Variants in GPHN observed in about 807,000 individuals in gnomAD.
GPHN encodes the protein gephyrin.
In GPHN, 17 loss-of-function variants were observed where a neutral mutation model predicts 95.5. The observed-to-expected ratio is 0.18, with a 90% CI of 0.12 to 0.27. The LOEUF (loss-of-function observed/expected upper bound fraction) is 0.27, where lower values mean the gene tolerates loss of function less well. Among genes scored for constraint, GPHN ranks in the 10% least tolerant of loss-of-function variants. GPHN has a pLI of 1.00. For missense variants in GPHN, 660 were observed against 978.1 expected (o/e 0.67, Z 4.34); for synonymous variants, 320 against 322.5 (o/e 0.99, Z 0.08).
At chr14:67,047,556 G>T (rs1474558314) in intron 10 of GPHN, among the ~76,000 whole-genome samples, 2 of 151,852 alleles carry the variant, frequency 1.3e-5, no homozygotes, top group African/African-American at 4.8e-5. Context: ...AACAGTAATG[G>T]GGTTTCACCA....
At chr14:66,586,099 G>A (rs928337979) in intron 1 of GPHN, among the ~76,000 whole-genome samples, 8 of 151,956 alleles carry the variant, frequency 5.3e-5, no homozygotes, top group Admixed American at 4.6e-4. Context: ...TATATTTAGG[G>A]TAGTTAGCTC....
At chr14:67,579,231 G>A in the GPHN span, 2 of 1,611,060 alleles carry the variant, frequency 1.2e-6, no homozygotes, top group South Asian at 1.1e-5. Context: ...CATGGAAGTG[G>A]TGTCCATCCT....
At chr14:67,456,843 G>C in the GPHN span, among the ~76,000 whole-genome samples, 1 of 152,138 alleles carries the variant, frequency 6.6e-6, no homozygotes, top group East Asian at 1.9e-4. Context: ...GTTCATTACA[G>C]CACTATTCAC....
At chr14:67,419,773 T>C in the GPHN span, among the ~76,000 whole-genome samples, 3 of 150,060 alleles carry the variant, frequency 2.0e-5, no homozygotes, top group Admixed American at 6.7e-5. Context: ...GGCGTGAACC[T>C]GGGAGGCGGA....
At chr14:67,383,469 G>A in the GPHN span, 4,247 of 1,610,368 alleles carry the variant, frequency 2.6e-3, 5 homozygotes, top group Non-Finnish European at 3.4e-3. Context: ...CCAATTTAAG[G>A]AACACAGAGC....
chr14:66,990,886 A>G (rs2071370715), intron 9 of GPHN, among the ~76,000 whole-genome samples: 2 of 151,810 alleles, frequency 1.3e-5, no homozygotes, highest in South Asian at 4.1e-4. Context: ...AAAATTAAAT[A>G]TTTAATATAG....
At chr14:67,581,091 C>G in the GPHN span, 1 of 1,134,784 alleles carries the variant, frequency 8.8e-7, no homozygotes, top group Non-Finnish European at 1.3e-6. Flanking sequence ...CCACTGGGTG[C>G]CAGCTCATCG....
intron 17 of GPHN, among the ~76,000 whole-genome samples, chr14:67,132,481 T>C (rs2079781320): frequency 6.6e-6 from 1 of 152,198 alleles, no homozygotes; most frequent in Non-Finnish European, 1.5e-5. Flanking sequence ...TTTTTTTCTT[T>C]TACTCCTAGC....
the GPHN span, among the ~76,000 whole-genome samples, chr14:67,303,324 T>C: frequency 4.6e-5 from 7 of 152,236 alleles, no homozygotes; most frequent in African/African-American, 9.6e-5. Context: ...ACTGATTCTG[T>C]TGTAAAATCT....
chr14:67,199,824 C>T, the GPHN span: 3 of 1,502,772 alleles, frequency 2.0e-6, no homozygotes, highest in Admixed American at 2.1e-5. Flanking sequence ...GCCCTCCCAC[C>T]TGGGATACCC....
the GPHN span, chr14:67,600,405 A>G: frequency 9.3e-6 from 5 of 536,892 alleles, no homozygotes; most frequent in African/African-American, 4.1e-5. Flanking sequence ...CTGTCTTCGA[A>G]AAAACCTCGT....
chr14:67,358,506 A>T, the GPHN span, among the ~76,000 whole-genome samples: 1 of 152,124 alleles, frequency 6.6e-6, no homozygotes, highest in African/African-American at 2.4e-5. Flanking sequence ...TCTAAATGTC[A>T]GGGTCAAAAC....
At chr14:66,889,907 A>G (rs1274704580) in intron 5 of GPHN, among the ~76,000 whole-genome samples, 1 of 152,166 alleles carries the variant, frequency 6.6e-6, no homozygotes, top group Non-Finnish European at 1.5e-5. Flanking sequence ...TCAAATTACT[A>G]AAATCAGTAA....
At chr14:67,672,180 G>A in the GPHN span, among the ~76,000 whole-genome samples, 1 of 150,296 alleles carries the variant, frequency 6.7e-6, no homozygotes, top group Non-Finnish European at 1.5e-5. Flanking sequence ...GTGCAGTGGT[G>A]CGATCTTGGC....
chr14:66,959,286 T>A (rs1200144864), intron 8 of GPHN, among the ~76,000 whole-genome samples: 1 of 152,104 alleles, frequency 6.6e-6, no homozygotes, highest in Non-Finnish European at 1.5e-5. Flanking sequence ...TAGAGTTCTG[T>A]ATTTCTTCAT....
chr14:67,416,112 A>T, the GPHN span, among the ~76,000 whole-genome samples: 1 of 152,258 alleles, frequency 6.6e-6, no homozygotes, highest in African/African-American at 2.4e-5. Flanking sequence ...CACATCCCGC[A>T]CATGTACCTT....
At chr14:66,830,902 A>G (rs1164776420) in intron 4 of GPHN, among the ~76,000 whole-genome samples, 1 of 152,066 alleles carries the variant, frequency 6.6e-6, no homozygotes, top group Non-Finnish European at 1.5e-5. Context: ...TTGTTTTATA[A>G]TCAATTTGTT....
the GPHN span, among the ~76,000 whole-genome samples, chr14:67,526,914 C>T: frequency 3.5e-3 from 530 of 152,228 alleles, no homozygotes; most frequent in Non-Finnish European, 6.0e-3. Context: ...CCTGACACAC[C>T]ATCGAAAACC....
chr14:67,289,417 T>G, the GPHN span, among the ~76,000 whole-genome samples: 1 of 152,196 alleles, frequency 6.6e-6, no homozygotes, highest in African/African-American at 2.4e-5. Flanking sequence ...GTGTATACCT[T>G]ATATGCAAAT....
Sources: gnomAD v4.1 joint callset for allele counts (sites outside exome capture counted in the v4.1 genomes callset) on GRCh38, gnomAD v4.1.1 for gene constraint, MANE v1.5 for transcripts, NCBI Gene and HGNC (gene_info 2026-07-23, HGNC 2026-07-21) for gene names.